The following DGKB variants were observed in gnomAD, a reference collection of about 807,000 sequenced individuals.
DGKB encodes the protein 90 kDa diacylglycerol kinase.
A neutral mutation model predicts 114.3 loss-of-function variants in DGKB; 67 were observed. The ratio of observed to expected loss-of-function variants is 0.59; its 90% CI spans 0.48 to 0.72. The LOEUF is 0.72. Ranked by LOEUF, DGKB falls within the 30% of genes least tolerant of loss-of-function variation. The pLI is 0.00. For missense variants in DGKB, 907 were observed against 975.2 expected, an observed-to-expected ratio of 0.93 and a Z score of 0.93; for synonymous variants, 398 against 323.1, an observed-to-expected ratio of 1.23 and a Z score of -2.49.
chr7:14,279,013 A>T (rs1260264852), intron 23 of DGKB, among the ~76,000 whole-genome samples: 1 of 152,140 alleles, frequency 6.6e-6, no homozygotes, highest in South Asian at 2.1e-4. Flanking sequence ...GGCGCAGGTC[A>T]GTGGGTGCAC....
intron 2 of DGKB, chr7:14,814,049 G>C (rs766660080): frequency 4.0e-5 from 6 of 151,816 alleles, no homozygotes; most frequent in Non-Finnish European, 7.4e-5. Flanking sequence ...TTATTTTCTA[G>C]TTGTTGGAAG....
intron 14 of DGKB, among the ~76,000 whole-genome samples, chr7:14,627,952 A>AAC (rs71004317): frequency 0.63 from 83,765 of 132,612 alleles, 24,810 homozygotes; most frequent in Admixed American, 0.74. Flanking sequence ...CAAAAAAACA[A>AAC]AAAAAAAAAA....
At chr7:14,945,880 T>C (rs1272948138) in intron 1 of DGKB, among the ~76,000 whole-genome samples, 1 of 151,656 alleles carries the variant, frequency 6.6e-6, no homozygotes, top group East Asian at 1.9e-4. Flanking sequence ...ATTTTATTTA[T>C]AGTAGACAAG....
chr7:14,472,490 A>C (rs1194263458), intron 21 of DGKB, among the ~76,000 whole-genome samples: 1 of 152,108 alleles, frequency 6.6e-6, no homozygotes, highest in African/African-American at 2.4e-5. Context: ...TCCAATCTCT[A>C]ATTAATGTCT....
intron 20 of DGKB, among the ~76,000 whole-genome samples, chr7:14,543,990 A>G (rs1793894537): frequency 6.6e-6 from 1 of 152,216 alleles, no homozygotes; most frequent in Non-Finnish European, 1.5e-5. Flanking sequence ...TTTCATTTTC[A>G]TGTCTTATTA....
intron 1 of DGKB, among the ~76,000 whole-genome samples, chr7:14,873,876 T>C (rs1329442050): frequency 2.0e-5 from 3 of 152,056 alleles, no homozygotes; most frequent in Admixed American, 6.6e-5. Context: ...ATGTATTACA[T>C]TGGTATCCTC....
chr7:14,163,919 T>C (rs990192192), intron 25 of DGKB, among the ~76,000 whole-genome samples: 3 of 151,766 alleles, frequency 2.0e-5, no homozygotes, highest in African/African-American at 7.3e-5. Flanking sequence ...CGCTTGAACC[T>C]GGGAGGCAGA....
chr7:14,188,507 A>C (rs1048635123), intron 23 of DGKB, among the ~76,000 whole-genome samples: 1 of 144,106 alleles, frequency 6.9e-6, no homozygotes, highest in African/African-American at 2.5e-5. Flanking sequence ...AAAAATACAA[A>C]AAATTAGCCG....
At chr7:14,823,252 A>G (rs1386311160) in intron 2 of DGKB, among the ~76,000 whole-genome samples, 1 of 151,982 alleles carries the variant, frequency 6.6e-6, no homozygotes, top group African/African-American at 2.4e-5. Flanking sequence ...GCTACAATAT[A>G]TAATTATTAA....
chr7:14,749,100 G>A (rs1310038610), intron 4 of DGKB, among the ~76,000 whole-genome samples: 2 of 152,066 alleles, frequency 1.3e-5, no homozygotes, highest in Non-Finnish European at 2.9e-5. Context: ...GAAGGTCACT[G>A]AGCAAAAGTA....
rs970796493 is a variant in DGKB at position 14,355,177 on chromosome 7, A to AC, written c.1836-9787dup. ...CCTCCCTCTCTCTCTTTCTCCACCAACCCCCCATCCTATTTAGTGGTCTTT... is the reference window on the plus strand; with the variant it reads ...CCTCCCTCTCTCTCTTTCTCCACCAACCCCCCCATCCTATTTAGTGGTCTTT... On this transcript the variant is annotated intron_variant, in intron 21 of 25. Coordinates refer to ENST00000402815, the MANE Select transcript of DGKB (RefSeq NM_001350709.2). 4.0e-5 allele frequency among the ~76,000 whole-genome samples: 6 copies of AC among 150,484 alleles called. No homozygotes were observed. The South Asian group carries it at 1.3e-3, about 32-fold the overall frequency.
intron 21 of DGKB, among the ~76,000 whole-genome samples, chr7:14,387,097 A>ATTATTTAT (rs140868127): frequency 0.013 from 1,870 of 147,306 alleles, 16 homozygotes; most frequent in African/African-American, 0.016. Flanking sequence ...GTTTCTTTTG[A>ATTATTTAT]TTATTTATTT....
chr7:14,442,159 A>T (rs1031025276), intron 21 of DGKB, among the ~76,000 whole-genome samples: 1 of 152,012 alleles, frequency 6.6e-6, no homozygotes, highest in African/African-American at 2.4e-5. Flanking sequence ...GAAAATATCA[A>T]TGAATGAAGG....
chr7:14,524,571 T>C (rs201808269), intron 20 of DGKB, among the ~76,000 whole-genome samples: 1 of 151,890 alleles, frequency 6.6e-6, no homozygotes, highest in East Asian at 1.9e-4. Context: ...GCCTGAACAA[T>C]ATGACAAAAC....
At chr7:14,204,593 T>G (rs1206549033) in intron 23 of DGKB, among the ~76,000 whole-genome samples, 4 of 152,068 alleles carry the variant, frequency 2.6e-5, no homozygotes, top group Non-Finnish European at 4.4e-5. Context: ...ATAGCCTAAA[T>G]TGTCTTGGTA....
intron 21 of DGKB, among the ~76,000 whole-genome samples, chr7:14,365,437 A>G (rs1441601444): frequency 6.6e-6 from 1 of 152,092 alleles, no homozygotes; most frequent in Non-Finnish European, 1.5e-5. Flanking sequence ...AGTTAGAAGG[A>G]GAAGGGACAG....
intron 23 of DGKB, among the ~76,000 whole-genome samples, chr7:14,210,617 G>A (rs1787600388): frequency 6.6e-6 from 1 of 152,010 alleles, no homozygotes; most frequent in East Asian, 1.9e-4. Context: ...GGGTGAGAAT[G>A]GTGGAGATCA....
intron 1 of DGKB, among the ~76,000 whole-genome samples, chr7:14,954,168 G>C (rs1309437821): frequency 2.0e-5 from 3 of 152,016 alleles, no homozygotes; most frequent in Non-Finnish European, 4.4e-5. Flanking sequence ...CAATAACCTT[G>C]ACATCCTCTC....
At chr7:14,850,404 AG>A (rs1478984074) in intron 1 of DGKB, among the ~76,000 whole-genome samples, 1 of 152,144 alleles carries the variant, frequency 6.6e-6, no homozygotes, top group East Asian at 1.9e-4. Context: ...TTTATTAGTG[AG>A]ACTGGTTCAA....
Sources: gnomAD v4.1 joint callset for allele counts (sites outside exome capture counted in the v4.1 genomes callset) on GRCh38, gnomAD v4.1.1 for gene constraint, MANE v1.5 for transcripts, NCBI Gene and HGNC (gene_info 2026-07-23, HGNC 2026-07-21) for gene names.